Variants in NUP153 observed in about 807,000 individuals in gnomAD.
NUP153 encodes the protein nuclear pore complex protein Nup153.
NUP153 carries 27 observed loss-of-function variants against 134.6 expected under a neutral mutation model. The ratio of observed to expected loss-of-function variants is 0.20; its 90% CI spans 0.15 to 0.28. The LOEUF is 0.28. Among genes scored for constraint, NUP153 ranks in the 10% least tolerant of loss-of-function variants. The pLI is 1.00. For synonymous variants in NUP153, 640 were observed against 623.5 expected, an observed-to-expected ratio of 1.03 and a Z score of -0.40; for missense variants, 1,821 against 1,731.3, an observed-to-expected ratio of 1.05 and a Z score of -0.92.
At chr6:17,684,002 A>G (rs1053760675) in intron 2 of NUP153, among the ~76,000 whole-genome samples, 2 of 152,134 alleles carry the variant, frequency 1.3e-5, no homozygotes, top group South Asian at 2.1e-4. Context: ...GGTTCACATG[A>G]TATTTGGTTG....
chr6:17,622,767 C>T (rs1355829908), intron 20 of NUP153, among the ~76,000 whole-genome samples: 1 of 151,970 alleles, frequency 6.6e-6, no homozygotes, highest in Non-Finnish European at 1.5e-5. Context: ...TTATAGTATA[C>T]CATATGGCTC....
At chr6:17,634,388 T>C (rs1324133835) in intron 16 of NUP153, among the ~76,000 whole-genome samples, 5 of 152,144 alleles carry the variant, frequency 3.3e-5, no homozygotes, top group African/African-American at 9.7e-5. Flanking sequence ...TATGGATTAA[T>C]GACCCCAAAT....
At chr6:17,652,283 A>T (rs576599840) in intron 11 of NUP153, among the ~76,000 whole-genome samples, 105 of 152,296 alleles carry the variant, frequency 6.9e-4, no homozygotes, top group Admixed American at 1.4e-3. Flanking sequence ...CATACAGTGA[A>T]CTATAAAACA....
Position 17,617,266 on chromosome 6 carries a change from A to G in NUP153, c.4175-571T>C, listed in dbSNP as rs376767108. ...TAAAGACAGTGAAATCAACAAATAC[A>G]CTTAGCTCTATCTTCTTTGAAAAGT... On this transcript the variant is annotated intron_variant, in intron 20 of 21. Coordinates refer to ENST00000262077, the MANE Select transcript of NUP153 (RefSeq NM_005124.4). Among the ~76,000 whole-genome samples, 4 of 152,240 alleles carry G rather than the reference A, an allele frequency of 2.6e-5. No homozygotes were observed. The East Asian group carries it at 7.7e-4, about 29-fold the overall frequency.
intron 14 of NUP153, among the ~76,000 whole-genome samples, chr6:17,642,515 T>A (rs1349667133): frequency 6.6e-6 from 1 of 152,208 alleles, no homozygotes; most frequent in Non-Finnish European, 1.5e-5. Flanking sequence ...AGTATTACTT[T>A]ACATCCACTA....
At chr6:17,630,727 AAGAGGGGAGAGG>A (rs1561858573) in intron 17 of NUP153, among the ~76,000 whole-genome samples, 1 of 133,348 alleles carries the variant, frequency 7.5e-6, no homozygotes, top group African/African-American at 2.8e-5. Flanking sequence ...GAGGGGAGAC[AAGAGGGGAGAGG>A]GGAGGGGAGA....
intron 16 of NUP153, among the ~76,000 whole-genome samples, chr6:17,634,263 A>G (rs1049675869): frequency 1.8e-4 from 27 of 152,072 alleles, no homozygotes; most frequent in Non-Finnish European, 2.6e-4. Context: ...TTTTTAAAAG[A>G]TTAACTGTTC....
At chr6:17,694,331 A>G (rs1769488056) in intron 1 of NUP153, among the ~76,000 whole-genome samples, 1 of 152,184 alleles carries the variant, frequency 6.6e-6, no homozygotes, top group South Asian at 2.1e-4. Context: ...CCATTTATGT[A>G]CTGTTTTACA....
Position 17,629,410 on chromosome 6 carries a change from C to T in NUP153, c.2789G>A (p.Gly930Glu), listed in dbSNP as rs1765116233. ...GGATGACACACCTATTTTGAATCCT[C>T]CCTGATCTCCAAATTTAAAATTTCC... ...STGNFKFGDQ[G>E]GFKIGVSSDS... Residue 930 changes from glycine to glutamate, a missense_variant, in exon 18 of 22, where the codon GGA (glycine) becomes GAA (glutamate). Coordinates refer to ENST00000262077, the MANE Select transcript of NUP153 (RefSeq NM_005124.4). 4 of 1,614,066 alleles carry T rather than the reference C, an allele frequency of 2.5e-6. No individual in the cohort carries two copies. Among genetic ancestry groups the T allele is most frequent in the Non-Finnish European group, 2.5e-6 (3 of 1,179,982 alleles).
In NUP153 at chr6:17,624,126, G is replaced by A. The variant is rs984655497; in HGVS notation, c.4174+435C>T. Among the ~76,000 whole-genome samples, 14 of 152,258 alleles carry A rather than the reference G, an allele frequency of 9.2e-5. No individual in the cohort carries two copies. In the South Asian group the frequency reaches 2.9e-3, roughly 32 times the overall value. ...TCATATTTAAATATGCAGTTCAAAT[G>A]GAAAGGCTGGTATCATCAGTAAATA... On this transcript the variant is annotated intron_variant, in intron 20 of 21. Coordinates refer to ENST00000262077, the MANE Select transcript of NUP153 (RefSeq NM_005124.4).
intron 17 of NUP153, among the ~76,000 whole-genome samples, chr6:17,631,037 A>G (rs994273903): frequency 1.3e-5 from 2 of 152,218 alleles, no homozygotes; most frequent in Admixed American, 6.5e-5. Context: ...ACAGAAAGAG[A>G]TAAAATGAAC....
At chr6:17,679,459 T>G (rs902488711) in intron 2 of NUP153, among the ~76,000 whole-genome samples, 1 of 152,102 alleles carries the variant, frequency 6.6e-6, no homozygotes, top group African/African-American at 2.4e-5. Context: ...AATCTACAGA[T>G]TCAATATAAC....
At chr6:17,696,316 C>T (rs1769640254) in intron 1 of NUP153, among the ~76,000 whole-genome samples, 1 of 152,102 alleles carries the variant, frequency 6.6e-6, no homozygotes, top group African/African-American at 2.4e-5. Flanking sequence ...AGAAAAGGTT[C>T]CTTTGACCTT....
intron 11 of NUP153, 125 bp from the exon 12 acceptor site, chr6:17,649,425 T>A (rs925205722): frequency 6.5e-5 from 53 of 814,446 alleles, no homozygotes; most frequent in Non-Finnish European, 8.9e-5. Flanking sequence ...TATGGGTTCT[T>A]CAATCAGAAA....
In NUP153 at chr6:17,675,220, A is replaced by G; in HGVS notation, c.723+9T>C. 6.2e-7 allele frequency: 1 copy of G among 1,614,002 alleles called. No individual in the cohort carries two copies. On this transcript the variant is annotated intron_variant, in intron 4 of 21. Transcript: ENST00000262077. This position sits in a 1 kb window ranked among gnomAD's most constrained non-coding sequence, Gnocchi z 4.4. ...TAATGTGATTAAATCCAACCCAGTTAGTACTCACAGGGGAAAGTGTTCCAA... is the reference window on the plus strand; with the variant it reads ...TAATGTGATTAAATCCAACCCAGTTGGTACTCACAGGGGAAAGTGTTCCAA...
At chr6:17,700,894 T>C (rs967446022) in intron 1 of NUP153, among the ~76,000 whole-genome samples, 3 of 152,188 alleles carry the variant, frequency 2.0e-5, no homozygotes, top group Non-Finnish European at 4.4e-5. Flanking sequence ...TACTGACCCC[T>C]GATCTAAGCT....
chr6:17,669,244 A>T (rs910030169), intron 7 of NUP153, 49 bp downstream of exon 7: 2 of 1,523,852 alleles, frequency 1.3e-6, no homozygotes, highest in Admixed American at 3.4e-5. Flanking sequence ...ACACCCGGCT[A>T]ATTTTTGTAT....
chr6:17,675,477 T>G lies in NUP153; in HGVS notation c.583+45A>C. The G allele has an allele frequency of 2.5e-6, 4 of 1,596,680 alleles. No homozygotes were observed. Among genetic ancestry groups the G allele is most frequent in the African/African-American group, 2.7e-5 (2 of 74,014 alleles). ...AAGTCAGAAAAAAAACCCATAAAAT[T>G]TAATGTTACTACCCAAATTATGTAC... On this transcript the variant is annotated intron_variant, in intron 3 of 21. Coordinates refer to ENST00000262077, the MANE Select transcript of NUP153 (RefSeq NM_005124.4). The surrounding 1 kb of genome is among the most constrained non-coding windows in gnomAD (Gnocchi z 4.4).
At chr6:17,617,549 G>C (rs116759139) in intron 20 of NUP153, among the ~76,000 whole-genome samples, 387 of 150,092 alleles carry the variant, frequency 2.6e-3, no homozygotes, top group African/African-American at 8.2e-3. Flanking sequence ...CCAACACAAA[G>C]ATGGTAATTA....
Sources: gnomAD v4.1 joint callset for allele counts (sites outside exome capture counted in the v4.1 genomes callset) on GRCh38, gnomAD v4.1.1 for gene constraint, Gnocchi (gnomAD v3.1) non-coding constraint, MANE v1.5 for transcripts, NCBI Gene and HGNC (gene_info 2026-07-23, HGNC 2026-07-21) for gene names.